ADGRL2: variants seen among roughly 807,000 people sequenced by gnomAD.
The protein encoded by ADGRL2 is calcium-independent alpha-latrotoxin receptor 2.
ADGRL2 carries 44 observed loss-of-function variants against 157.4 expected under a neutral mutation model. That is an observed-to-expected ratio of 0.28 (90% CI 0.22 to 0.36). ADGRL2 has a LOEUF of 0.36. ADGRL2 is among the 10% of genes least tolerant of loss of function. The pLI is 1.00. For missense variants in ADGRL2, 1,510 were observed against 1,768.9 expected, an observed-to-expected ratio of 0.85 and a Z score of 2.63; for synonymous variants, 585 against 624.7, an observed-to-expected ratio of 0.94 and a Z score of 0.95.
rs74885243 is a variant in ADGRL2 at position 81,896,471 on chromosome 1, T to G, written c.74-10546T>G. Among the ~76,000 whole-genome samples, 81 of 152,292 alleles carry G rather than the reference T, an allele frequency of 5.3e-4. No individual in the cohort carries two copies. The East Asian group carries it at 0.015, about 28-fold the overall frequency. ...TTAGGGGACTCTGATGAAAATGTCA[T>G]CTTTGTCCTGTTTGTATTCTTTATC... is the stretch of plus-strand genomic sequence containing the variant. On this transcript the variant is annotated intron_variant, in intron 2 of 23. Coordinates refer to ENST00000686636, the MANE Select transcript of ADGRL2 (RefSeq NM_001366006.2).
At chr1:81,482,142 A>T (rs1289990379) in intron 2 of ADGRL2, among the ~76,000 whole-genome samples, 1 of 152,210 alleles carries the variant, frequency 6.6e-6, no homozygotes, top group Non-Finnish European at 1.5e-5. Context: ...CCAGTTTGAG[A>T]ATTTAGCACT....
chr1:81,466,352 C>A (rs1052243764), intron 2 of ADGRL2, among the ~76,000 whole-genome samples: 3 of 152,118 alleles, frequency 2.0e-5, no homozygotes, highest in East Asian at 1.9e-4. Flanking sequence ...TAAATAAATT[C>A]GGTTTCGTGC....
chr1:81,814,260 A>G (rs1279111229), intron 1 of ADGRL2, among the ~76,000 whole-genome samples: 3 of 151,638 alleles, frequency 2.0e-5, no homozygotes, highest in African/African-American at 7.2e-5. Context: ...ACATTATTTA[A>G]GCATAGATGT....
chr1:81,609,670 G>A (rs1331135784), intron 3 of ADGRL2, among the ~76,000 whole-genome samples: 1 of 152,012 alleles, frequency 6.6e-6, no homozygotes, highest in East Asian at 1.9e-4. Flanking sequence ...GTTCACTCAA[G>A]ACTGATGTGA....
At chr1:81,966,288 A>T in intron 12 of ADGRL2, 105 bp downstream of exon 12, 1 of 1,532,646 alleles carries the variant, frequency 6.5e-7, no homozygotes, top group Non-Finnish European at 8.9e-7. Context: ...ACGGCTTACC[A>T]TTTAAAAGCA....
intron 3 of ADGRL2, among the ~76,000 whole-genome samples, chr1:81,663,368 C>G (rs1334973073): frequency 6.6e-6 from 1 of 152,176 alleles, no homozygotes; most frequent in Non-Finnish European, 1.5e-5. Flanking sequence ...CCTCCCGGAT[C>G]CATACACCTC....
In ADGRL2 at chr1:81,438,400, T is replaced by A. The variant is rs376236583; in HGVS notation, c.-301-6636T>A. Among the ~76,000 whole-genome samples the A allele has an allele frequency of 6.1e-4, 93 of 152,332 alleles. 1 individual carries two copies. Among genetic ancestry groups the A allele is most frequent in the African/African-American group, 2.1e-3 (89 of 41,568 alleles). ...CACACATTCATCACTTCCTAATTAT[T>A]CTAGCACATTGTATTATTTTCCGTG... On this transcript the variant is annotated intron_variant, in intron 1 of 24. Transcript: ENST00000370721.
upstream of ADGRL2, among the ~76,000 whole-genome samples, chr1:81,797,464 AC>A (rs1455195266): frequency 6.6e-6 from 1 of 151,944 alleles, no homozygotes. Flanking sequence ...AAGCCTCAAT[AC>A]CTCTTCCCTT....
At chr1:81,819,124 T>G (rs1297199669) in intron 1 of ADGRL2, among the ~76,000 whole-genome samples, 1 of 152,100 alleles carries the variant, frequency 6.6e-6, no homozygotes, top group East Asian at 1.9e-4. Context: ...AGGTGGTGTA[T>G]CCAATGAACT....
chr1:81,491,572 A>C (rs1199649344), intron 2 of ADGRL2, among the ~76,000 whole-genome samples: 1 of 152,210 alleles, frequency 6.6e-6, no homozygotes, highest in Non-Finnish European at 1.5e-5. Context: ...CCAACATCTC[A>C]AATTGGAAGA....
At chr1:81,398,284 A>G (rs1281516570) in intron 1 of ADGRL2, among the ~76,000 whole-genome samples, 2 of 152,078 alleles carry the variant, frequency 1.3e-5, no homozygotes, top group Admixed American at 6.5e-5. Flanking sequence ...TTAAGTAAGG[A>G]ATGTAATTTG....
At chr1:81,766,535 T>C (rs1042718599) in intron 2 of ADGRL2, among the ~76,000 whole-genome samples, 1 of 152,066 alleles carries the variant, frequency 6.6e-6, no homozygotes, top group Non-Finnish European at 1.5e-5. Flanking sequence ...CTAATACATA[T>C]GTAAGAAATA....
intron 1 of ADGRL2, among the ~76,000 whole-genome samples, chr1:81,413,481 C>A (rs1397152245): frequency 6.6e-6 from 1 of 151,982 alleles, no homozygotes; most frequent in Non-Finnish European, 1.5e-5. Context: ...CTGTAGGCTA[C>A]CATTACGGAT....
Position 81,755,148 on chromosome 1 carries a change from T to TCATATA in ADGRL2, c.-142-6663_-142-6662insCATATA, listed in dbSNP as rs377400172. On this transcript the variant is annotated intron_variant, in intron 1 of 20. Transcript: ENST00000359929. ...TAGATTTAAAGATATATATATGTGT[T>TCATATA]TATATATATATATATATTTAAAGAT... Among the ~76,000 whole-genome samples, 13 of 143,752 alleles carry TCATATA rather than the reference T, an allele frequency of 9.0e-5. No homozygotes were observed. The East Asian group carries it at 2.6e-3, about 29-fold the overall frequency. The allele number at this position is 143,752 out of a possible 152,430, so 94.3% of individuals were successfully genotyped here.
At chr1:81,736,693 A>G (rs1230157573) in intron 1 of ADGRL2, among the ~76,000 whole-genome samples, 1 of 152,180 alleles carries the variant, frequency 6.6e-6, no homozygotes. Flanking sequence ...GACTCTGAAA[A>G]TCCTGAGCAG....
intron 2 of ADGRL2, among the ~76,000 whole-genome samples, chr1:81,842,667 T>A (rs2092639909): frequency 6.6e-6 from 1 of 152,138 alleles, no homozygotes; most frequent in Non-Finnish European, 1.5e-5. Flanking sequence ...TTTTTGCTCT[T>A]TTCAAGAGTA....
At chr1:81,652,774 C>T (rs149534382) in intron 3 of ADGRL2, among the ~76,000 whole-genome samples, 6 of 152,208 alleles carry the variant, frequency 3.9e-5, no homozygotes, top group Non-Finnish European at 8.8e-5. Flanking sequence ...TACAAGCTTC[C>T]GGATGCCCTC....
chr1:81,485,566 T>C (rs919587322), intron 2 of ADGRL2, among the ~76,000 whole-genome samples: 2 of 152,184 alleles, frequency 1.3e-5, no homozygotes, highest in African/African-American at 4.8e-5. Context: ...TACAATACTT[T>C]ATTTCTTAAA....
At chr1:81,636,078 AG>A (rs2082109609) in intron 3 of ADGRL2, among the ~76,000 whole-genome samples, 1 of 152,160 alleles carries the variant, frequency 6.6e-6, no homozygotes, top group African/African-American at 2.4e-5. Flanking sequence ...TCCAGACTAG[AG>A]GACCCAGTCA....
Sources: gnomAD v4.1 joint callset for allele counts (sites outside exome capture counted in the v4.1 genomes callset) on GRCh38, gnomAD v4.1.1 for gene constraint, MANE v1.5 for transcripts, NCBI Gene and HGNC (gene_info 2026-07-23, HGNC 2026-07-21) for gene names.